Variants in PIEZO2 observed in about 807,000 individuals in gnomAD.
PIEZO2 encodes the protein piezo type mechanosensitive ion channel component 2, also known as piezo-type mechanosensitive ion channel component 2.
PIEZO2 carries 172 observed loss-of-function variants against 337.3 expected under a neutral mutation model. The observed-to-expected ratio is 0.51, with a 90% CI of 0.45 to 0.58. PIEZO2 has a LOEUF of 0.58. Ranked by LOEUF, PIEZO2 falls within the 20% of genes least tolerant of loss-of-function variation. The pLI, the probability that PIEZO2 is intolerant of heterozygous loss-of-function variation, is 0.00. For synonymous variants in PIEZO2, 1,251 were observed against 1,228.5 expected (o/e 1.02, Z -0.38); for missense variants, 3,028 against 3,391.3 (o/e 0.89, Z 2.66).
At position 10,680,301 on chromosome 18, in the gene PIEZO2, T is replaced by A; in HGVS notation, c.7850A>T (p.Asn2617Ile). The A allele has an allele frequency of 6.2e-7, 1 of 1,614,156 alleles. No homozygotes were observed. Among genetic ancestry groups the A allele is most frequent in the South Asian group, 1.1e-5 (1 of 91,078 alleles). The change falls in exon 52 of 56, where the codon AAT becomes ATT. Residue 2617 changes from asparagine (N) to isoleucine (I), a missense_variant. Asn to Ile is a moderately radical substitution (Grantham distance 149, BLOSUM62 -3). This residue lies in a region of PIEZO2 where 332 missense variants were observed against 363.8 expected (regional missense o/e 0.91). Transcript: ENST00000674853. ...GGGTGGGCTGATGGTCCACAAAGAA[T>A]TTGAGTTTCCTTCCAGTTCTGCTAC... is the stretch of plus-strand genomic sequence containing the variant. ...ITVAELEGNS[N>I]SLWTISPPSK...
At chr18:10,849,369 G>A (rs2041466397) in intron 7 of PIEZO2, among the ~76,000 whole-genome samples, 1 of 152,110 alleles carries the variant, frequency 6.6e-6, no homozygotes, top group African/African-American at 2.4e-5. Flanking sequence ...AGGCTGTGAT[G>A]TGCGGCCAAA....
intron 4 of PIEZO2, among the ~76,000 whole-genome samples, chr18:10,874,869 T>A (rs1321365941): frequency 6.6e-6 from 1 of 152,218 alleles, no homozygotes; most frequent in African/African-American, 2.4e-5. Flanking sequence ...AATAGAGTTA[T>A]ATAAAAGGAA....
intron 4 of PIEZO2, among the ~76,000 whole-genome samples, chr18:10,880,868 T>C (rs2042395775): frequency 1.6e-5 from 1 of 62,460 alleles, no homozygotes; most frequent in African/African-American, 7.0e-5. Context: ...TATATATATA[T>C]ATATATATAT....
rs1054735499 is a variant in PIEZO2, at chr18:10,962,644, A to C, written c.286+16891T>G. On this transcript the variant is annotated intron_variant, in intron 3 of 55. Coordinates refer to ENST00000674853, the MANE Select transcript of PIEZO2 (RefSeq NM_001378183.1). The surrounding 1 kb of genome is among the most constrained non-coding windows in gnomAD (Gnocchi z 4.1). ...CCCTCTTTCTTTGACTTTTCCTCTTACCAAGTACAAATTACTTTCTCCATA... is the reference window on the plus strand; with the variant it reads ...CCCTCTTTCTTTGACTTTTCCTCTTCCCAAGTACAAATTACTTTCTCCATA... Among the ~76,000 whole-genome samples the C allele has an allele frequency of 6.6e-6, 1 of 152,100 alleles. No individual in the cohort carries two copies. The highest frequency in any genetic ancestry group is 1.5e-5 in the Non-Finnish European group (1 of 68,002).
chr18:10,745,444 C>T (rs943463720), intron 30 of PIEZO2, among the ~76,000 whole-genome samples: 20 of 152,148 alleles, frequency 1.3e-4, no homozygotes, highest in African/African-American at 4.3e-4. Context: ...AGATGTCTTG[C>T]GGTCATGTCT....
chr18:10,678,718 G>A (rs1598345315), intron 52 of PIEZO2, among the ~76,000 whole-genome samples: 1 of 152,294 alleles, frequency 6.6e-6, no homozygotes, highest in East Asian at 1.9e-4. Context: ...AACTTCTGCT[G>A]AGATATGCTC....
At chr18:11,103,191 T>A (rs1237665270) in intron 1 of PIEZO2, among the ~76,000 whole-genome samples, 1 of 152,230 alleles carries the variant, frequency 6.6e-6, no homozygotes, top group African/African-American at 2.4e-5. Context: ...ATAAAAACTA[T>A]GTGTTTTATA....
chr18:10,829,836 G>A (rs1267637738), intron 7 of PIEZO2, among the ~76,000 whole-genome samples: 1 of 151,256 alleles, frequency 6.6e-6, no homozygotes, highest in East Asian at 1.9e-4. Context: ...GGAATTAGAA[G>A]AATCAATATT....
chr18:11,019,827 T>G (rs1243585996), intron 2 of PIEZO2, among the ~76,000 whole-genome samples: 2 of 152,192 alleles, frequency 1.3e-5, no homozygotes, highest in African/African-American at 4.8e-5. Context: ...TTCTTAATAG[T>G]ACTAATGACA....
rs115119612 is a variant in PIEZO2 at position 10,878,405 on chromosome 18, G to C, written c.330-6990C>G. ...GGGGAAGATAATACACAAACACTAA[G>C]AGGAGGGAACATTACTGTTGCCTGG... On this transcript the variant is annotated intron_variant, in intron 4 of 55. Transcript: ENST00000674853. This position sits in a 1 kb window ranked among gnomAD's most constrained non-coding sequence, Gnocchi z 4.3. 0.014 allele frequency among the ~76,000 whole-genome samples: 2,072 copies of C among 152,312 alleles called. 54 individuals carry two copies. The highest frequency in any genetic ancestry group is 0.048 in the African/African-American group (1,982 of 41,558).
rs2037494894 is a variant in PIEZO2, at chr18:11,050,772, T to C, written c.160+15355A>G. On this transcript the variant is annotated intron_variant, in intron 2 of 55. Coordinates refer to ENST00000674853, the MANE Select transcript of PIEZO2 (RefSeq NM_001378183.1). ...CTTTCTAATTCTGCCTCTCCAAATG[T>C]TGGAAAAGATCCTAAAAAACTATAT... 1.3e-5 allele frequency among the ~76,000 whole-genome samples: 2 copies of C among 151,186 alleles called. 1 individual carries two copies. Among genetic ancestry groups the C allele is most frequent in the South Asian group, 4.2e-4 (2 of 4,782 alleles).
At position 11,002,685 on chromosome 18, in the gene PIEZO2, G is replaced by T. The variant is rs1272580866; in HGVS notation, c.161-23025C>A. Among the ~76,000 whole-genome samples the T allele has an allele frequency of 6.6e-6, 1 of 152,152 alleles. No individual in the cohort carries two copies. The highest frequency in any genetic ancestry group is 2.4e-5 in the African/African-American group (1 of 41,434). The stretch of plus-strand genomic sequence containing the variant: ...GTTGCTTTGTTGCAATGTTTTACTG[G>T]CGGCGGCGGGGAACACATTCAGGCA... On this transcript the variant is annotated intron_variant, in intron 2 of 55. Coordinates refer to ENST00000674853, the MANE Select transcript of PIEZO2 (RefSeq NM_001378183.1). This position sits in a 1 kb window ranked among gnomAD's most constrained non-coding sequence, Gnocchi z 4.3.
At chr18:10,734,899 T>A (rs1434677866) in intron 35 of PIEZO2, among the ~76,000 whole-genome samples, 2 of 152,208 alleles carry the variant, frequency 1.3e-5, no homozygotes, top group Admixed American at 6.5e-5. Flanking sequence ...TCATCAGAAC[T>A]GATTCATGCA....
chr18:10,733,025 C>A (rs993262063), intron 35 of PIEZO2, among the ~76,000 whole-genome samples: 1 of 151,886 alleles, frequency 6.6e-6, no homozygotes, highest in African/African-American at 2.4e-5. Flanking sequence ...ATGAGGCGCA[C>A]AAGTTGGAGG....
At chr18:10,732,041 GA>G (rs888917801) in intron 35 of PIEZO2, among the ~76,000 whole-genome samples, 12 of 151,936 alleles carry the variant, frequency 7.9e-5, no homozygotes, top group African/African-American at 2.9e-4. Flanking sequence ...ACTTTGCGAG[GA>G]AAAAAAATGT....
At chr18:10,818,809 T>G (rs1198505175) in intron 7 of PIEZO2, among the ~76,000 whole-genome samples, 1 of 152,212 alleles carries the variant, frequency 6.6e-6, no homozygotes, top group Non-Finnish European at 1.5e-5. Context: ...AATGCATCAC[T>G]TTCCTCAACT....
At chr18:10,897,297 C>T (rs539870249) in intron 4 of PIEZO2, among the ~76,000 whole-genome samples, 1 of 152,274 alleles carries the variant, frequency 6.6e-6, no homozygotes, top group African/African-American at 2.4e-5. Context: ...AGCGATTCTC[C>T]TGCCTCAGCC....
intron 3 of PIEZO2, among the ~76,000 whole-genome samples, chr18:10,915,887 C>T (rs1453371094): frequency 3.9e-5 from 6 of 151,908 alleles, no homozygotes; most frequent in African/African-American, 1.5e-4. Context: ...ATTAGCTAGA[C>T]ACAGAGTGCT....
rs1491053944 is a variant in PIEZO2, at chr18:10,681,764, AAG to A, written c.7687-13_7687-12del. 2.5e-6 allele frequency: 4 copies of A among 1,583,476 alleles called. No individual in the cohort carries two copies. Among genetic ancestry groups the A allele is most frequent in the Non-Finnish European group, 3.5e-6 (4 of 1,152,312 alleles). ...CATTGTGAAAATAGGCTGGAAAACA[AAG>A]AGAACAGTGTTGTCAATATTCCCCA... On this transcript the variant is annotated splice_polypyrimidine_tract_variant and intron_variant, in intron 50 of 55. Coordinates refer to ENST00000674853, the MANE Select transcript of PIEZO2 (RefSeq NM_001378183.1).
Sources: gnomAD v4.1 joint callset for allele counts (sites outside exome capture counted in the v4.1 genomes callset) on GRCh38, gnomAD v4.1.1 for gene constraint, gnomAD v4.1.1 regional missense constraint, Gnocchi (gnomAD v3.1) non-coding constraint, MANE v1.5 for transcripts, NCBI Gene and HGNC (gene_info 2026-07-23, HGNC 2026-07-21) for gene names.